Variants in PCDHGA1 observed in about 807,000 individuals in gnomAD.
The protein encoded by PCDHGA1 is protocadherin gamma subfamily A, 1, also known as protocadherin gamma-A1.
A neutral mutation model predicts 58.0 loss-of-function variants in PCDHGA1; 32 were observed. The observed-to-expected ratio is 0.55, with a 90% CI of 0.42 to 0.74. The LOEUF (loss-of-function observed/expected upper bound fraction) is 0.74. PCDHGA1 is among the 30% of genes least tolerant of loss of function. The pLI is 0.00. For missense variants in PCDHGA1, 1,205 were observed against 1,182.3 expected (o/e 1.02, Z -0.28); for synonymous variants, 498 against 501.1 (o/e 0.99, Z 0.08).
In PCDHGA1 at chr5:141,428,081, C is replaced by A. The variant is rs768842388; in HGVS notation, c.2422-66726C>A. 14 of 1,609,100 alleles carry A rather than the reference C, an allele frequency of 8.7e-6. No individual in the cohort carries two copies. In the African/African-American group the frequency reaches 1.1e-4, roughly 12 times the overall value. ...CGGTGGACGCAGATTCGGGACACAA[C>A]GCTTGGCTGTCCTACCACGTGCTGC... is the stretch of plus-strand genomic sequence containing the variant. On this transcript the variant is annotated intron_variant, in intron 1 of 3. Transcript: ENST00000517417.
chr5:141,373,908 A>C, intron 1 of PCDHGA1: 1 of 621,550 alleles, frequency 1.6e-6, no homozygotes, highest in Non-Finnish European at 2.6e-6. Flanking sequence ...ATCCTCCAAC[A>C]ACAAAGCAAA....
At position 141,341,061 on chromosome 5, in the gene PCDHGA1, T is replaced by C. The variant is rs550692048; in HGVS notation, c.2421+7956T>C. The stretch of plus-strand genomic sequence containing the variant: ...CTCACTCTGTACCTGGTGGTGGCGG[T>C]GGCCGCGGTCTCCTGCGTCTTCCTG... On this transcript the variant is annotated intron_variant, in intron 1 of 3. Transcript: ENST00000517417. 64 of 1,614,130 alleles carry C rather than the reference T, an allele frequency of 4.0e-5. No homozygotes were observed. The highest frequency in any genetic ancestry group is 1.5e-4 in the South Asian group (14 of 91,066).
chr5:141,509,719 C>G (rs2099877973), intron 3 of PCDHGA1, among the ~76,000 whole-genome samples: 1 of 152,152 alleles, frequency 6.6e-6, no homozygotes, highest in Non-Finnish European at 1.5e-5. Flanking sequence ...TGTCTGATGT[C>G]ACCTAGCTGT....
At chr5:141,391,203 T>C (rs77020243) in intron 1 of PCDHGA1, 3 of 152,214 alleles carry the variant, frequency 2.0e-5, no homozygotes, top group Non-Finnish European at 4.4e-5. Flanking sequence ...ATATACAAAA[T>C]ACCAAGGAAC....
intron 1 of PCDHGA1, among the ~76,000 whole-genome samples, chr5:141,446,065 G>T (rs1285093512): frequency 2.0e-5 from 3 of 152,306 alleles, no homozygotes; most frequent in African/African-American, 7.2e-5. Flanking sequence ...GATTAAAGGG[G>T]AGGCAGTGGA....
chr5:141,463,616 T>C (rs941383375), intron 1 of PCDHGA1, among the ~76,000 whole-genome samples: 28 of 151,762 alleles, frequency 1.8e-4, no homozygotes, highest in Non-Finnish European at 2.1e-4. Flanking sequence ...GCCCGGCTAA[T>C]TTTTTGTATT....
chr5:141,436,813 G>A (rs537103294), intron 1 of PCDHGA1, among the ~76,000 whole-genome samples: 91 of 152,320 alleles, frequency 6.0e-4, no homozygotes, highest in Non-Finnish European at 1.1e-3. Flanking sequence ...TGTGACAGCT[G>A]GTTTAAAAAT....
rs754299511 is a variant in PCDHGA1 at position 141,476,353 on chromosome 5, G to A, written c.2422-18454G>A. 4 of 1,614,202 alleles carry A rather than the reference G, an allele frequency of 2.5e-6. No individual in the cohort carries two copies. Among genetic ancestry groups the A allele is most frequent in the South Asian group, 1.1e-5 (1 of 91,082 alleles). On this transcript the variant is annotated intron_variant, in intron 1 of 3. Coordinates refer to ENST00000517417, the MANE Select transcript of PCDHGA1 (RefSeq NM_018912.3). The surrounding 1 kb of genome is among the most constrained non-coding windows in gnomAD (Gnocchi z 7.6). The stretch of plus-strand genomic sequence containing the variant: ...GAGCTAGCCGAAGATTCTTTGAGGT[G>A]AACCGGGAGACCGGAGAGATGTTTG...
chr5:141,477,431 G>T lies in PCDHGA1; in HGVS notation c.2422-17376G>T. 3 of 1,614,080 alleles carry T rather than the reference G, an allele frequency of 1.9e-6. No homozygotes were observed. The highest frequency in any genetic ancestry group is 2.5e-6 in the Non-Finnish European group (3 of 1,180,012). On this transcript the variant is annotated intron_variant, in intron 1 of 3. Transcript: ENST00000517417. This position sits in a 1 kb window ranked among gnomAD's most constrained non-coding sequence, Gnocchi z 4.9. ...AGACGCCGGAACCCCTTCCCTCTCA[G>T]CCCTTACAATAGTGCGTGTTCAAGT...
intron 1 of PCDHGA1, chr5:141,410,849 CTT>C (rs759346998): frequency 0.032 from 4,298 of 136,266 alleles, no homozygotes; most frequent in South Asian, 0.069. Flanking sequence ...TTGTCTTTGT[CTT>C]TTTTTTTTTT....
intron 1 of PCDHGA1, chr5:141,340,475 T>C (rs1010583487): frequency 6.2e-7 from 1 of 1,614,188 alleles, no homozygotes. Flanking sequence ...GGCACCCTTA[T>C]CCTCTTACAT....
intron 1 of PCDHGA1, chr5:141,351,700 C>G: frequency 6.2e-7 from 1 of 1,613,956 alleles, no homozygotes; most frequent in Admixed American, 1.7e-5. Context: ...TGGGACCCAA[C>G]GGCAGAGTCT....
At chr5:141,375,022 T>G in intron 1 of PCDHGA1, 1 of 1,613,828 alleles carries the variant, frequency 6.2e-7, no homozygotes, top group Admixed American at 1.7e-5. Flanking sequence ...AGGACTCGAG[T>G]TTTTATGAGC....
intron 1 of PCDHGA1, 53 bp downstream of exon 1, chr5:141,333,158 T>G (rs745897740): frequency 6.2e-7 from 1 of 1,611,392 alleles, no homozygotes; most frequent in East Asian, 2.2e-5. Context: ...AATTCTTGAT[T>G]TAACTTACTA....
intron 1 of PCDHGA1, among the ~76,000 whole-genome samples, chr5:141,472,264 G>A (rs925973401): frequency 1.3e-4 from 20 of 152,068 alleles, no homozygotes; most frequent in African/African-American, 3.6e-4. Context: ...TATTATAGCC[G>A]GGCACAGTGG....
intron 1 of PCDHGA1, chr5:141,372,864 AT>A (rs1769140168): frequency 5.7e-6 from 8 of 1,393,446 alleles, no homozygotes; most frequent in Non-Finnish European, 6.7e-6. Context: ...CAATTCATTG[AT>A]TTAGAGATAA....
At position 141,332,578 on chromosome 5, in the gene PCDHGA1, C is replaced by T. The variant is rs1308057294; in HGVS notation, c.1894C>T (p.Leu632=). 6.2e-7 allele frequency: 1 copy of T among 1,612,632 alleles called. No individual in the cohort carries two copies. The highest frequency in any genetic ancestry group is 1.3e-5 in the African/African-American group (1 of 74,918). ...HTGEVRTARA[L]LDRDALKQSL... The stretch of plus-strand genomic sequence containing the variant: ...GGGCGAGGTGCGCACGGCGCGAGCC[C>T]TGCTGGACAGAGACGCGCTCAAGCA... The change falls in exon 1 of 4, where the codon CTG becomes TTG. Residue 632 remains leucine, a synonymous_variant. Coordinates refer to ENST00000517417, the MANE Select transcript of PCDHGA1 (RefSeq NM_018912.3). This position sits in a 1 kb window ranked among gnomAD's most constrained non-coding sequence, Gnocchi z 4.6.
rs767771860 is a variant in PCDHGA1 at position 141,332,995 on chromosome 5, C to G, written c.2311C>G (p.Pro771Ala). The change falls in exon 1 of 4, where the codon CCC becomes GCC. Residue 771 changes from proline to alanine, a missense_variant. Pro to Ala is a conservative substitution (Grantham distance 27). Transcript: ENST00000517417. This position sits in a 1 kb window ranked among gnomAD's most constrained non-coding sequence, Gnocchi z 4.6. Reference protein sequence around the residue: ...ADSRKSHLIFPQPNYADTLIS... With the variant: ...ADSRKSHLIFAQPNYADTLIS... ...CTCGCGGAAGAGCCACCTGATTTTCCCCCAGCCCAACTATGCGGACACACT... is the reference window on the plus strand; with the variant it reads ...CTCGCGGAAGAGCCACCTGATTTTCGCCCAGCCCAACTATGCGGACACACT... 6.2e-7 allele frequency: 1 copy of G among 1,614,206 alleles called. No homozygotes were observed. The highest frequency in any genetic ancestry group is 2.2e-5 in the East Asian group (1 of 44,874).
intron 1 of PCDHGA1, chr5:141,389,055 A>T: frequency 6.2e-7 from 1 of 1,613,996 alleles, no homozygotes; most frequent in Middle Eastern, 1.6e-4. Flanking sequence ...TGTTCCATTT[A>T]AAATATTAAC....
Sources: gnomAD v4.1 joint callset for allele counts (sites outside exome capture counted in the v4.1 genomes callset) on GRCh38, gnomAD v4.1.1 for gene constraint, Gnocchi (gnomAD v3.1) non-coding constraint, MANE v1.5 for transcripts, NCBI Gene and HGNC (gene_info 2026-07-23, HGNC 2026-07-21) for gene names.